SNRPB: variants seen among roughly 807,000 people sequenced by gnomAD.
SNRPB encodes small nuclear ribonucleoprotein-associated proteins B and B'.
SNRPB carries 5 observed loss-of-function variants against 26.6 expected under a neutral mutation model. The observed-to-expected ratio is 0.19, with a 90% CI of 0.10 to 0.39. SNRPB has a LOEUF of 0.39. Ranked by LOEUF, SNRPB falls within the 10% of genes least tolerant of loss-of-function variation. SNRPB has a pLI of 1.00. For synonymous variants in SNRPB, 122 were observed against 105.8 expected, an observed-to-expected ratio of 1.15 and a Z score of -0.94; for missense variants, 211 against 311.9, an observed-to-expected ratio of 0.68 and a Z score of 2.44.
At chr20:2,469,858 G>A (rs1395705132) in intron 1 of SNRPB, among the ~76,000 whole-genome samples, 3 of 151,908 alleles carry the variant, frequency 2.0e-5, no homozygotes, top group South Asian at 2.1e-4. Context: ...GTCAACAAAC[G>A]CAGAAAAATC....
intron 3 of SNRPB, 82 bp downstream of exon 3, chr20:2,465,626 C>CTGCA: frequency 1.1e-6 from 1 of 932,204 alleles, no homozygotes; most frequent in South Asian, 1.4e-5. Flanking sequence ...CCTGTGAGAA[C>CTGCA]TGCAATGAAA....
Position 2,462,617 on chromosome 20 carries a change from C to T in SNRPB, c.685+19G>A. 1 of 1,611,322 alleles carries T rather than the reference C, an allele frequency of 6.2e-7. No individual in the cohort carries two copies. The highest frequency in any genetic ancestry group is 8.5e-7 in the Non-Finnish European group (1 of 1,177,644). ...AGGCTCTAGGGAAAGAAGCCAAAGT[C>T]ACCACTGCAGGCACTTACCTCGCAT... On this transcript the variant is annotated intron_variant, in intron 6 of 6. Transcript: ENST00000381342.
At position 2,463,220 on chromosome 20, in the gene SNRPB, G is replaced by A; in HGVS notation, c.428C>T (p.Thr143Ile). 6.2e-7 allele frequency: 1 copy of A among 1,611,502 alleles called. No homozygotes were observed. The highest frequency in any genetic ancestry group is 8.5e-7 in the Non-Finnish European group (1 of 1,177,740). ...TGCAACAGTACCTCTTCCTTGTGGG[G>A]TCATCACCTAAGAGGACATAAGAAG... ...GVGGPSQQVM[T>I]PQGRGTVAAA... The change falls in exon 5 of 7, where the codon ACC (threonine) becomes ATC (isoleucine). Residue 143 changes from threonine (T) to isoleucine (I), a missense_variant. Coordinates refer to ENST00000381342, the MANE Select transcript of SNRPB (RefSeq NM_003091.4). The surrounding 1 kb of genome is among the most constrained non-coding windows in gnomAD (Gnocchi z 5.0).
In SNRPB at chr20:2,470,766, TC is replaced by T; in HGVS notation, c.-77del. 6.4e-7 allele frequency: 1 copy of T among 1,571,958 alleles called. No individual in the cohort carries two copies. The highest frequency in any genetic ancestry group is 8.7e-7 in the Non-Finnish European group (1 of 1,147,134). On this transcript the variant is annotated 5_prime_UTR_variant, in exon 1 of 7. Coordinates refer to ENST00000381342, the MANE Select transcript of SNRPB (RefSeq NM_003091.4). ...CCTAGCCTCTCTCCCACAGCCGATT[TC>T]CCGCCGCCGCTACCGGAAATGCAGC...
Position 2,467,538 on chromosome 20 carries a change from T to C in SNRPB, c.155+69A>G, listed in dbSNP as rs897369534. On this transcript the variant is annotated intron_variant, in intron 2 of 6. Transcript: ENST00000381342. ...AACCAACTAGCTACATCACCACCTCTATTGCTTGGCCCACCCACTCAATCC... is the reference window on the plus strand; with the variant it reads ...AACCAACTAGCTACATCACCACCTCCATTGCTTGGCCCACCCACTCAATCC... 5 of 1,456,130 alleles carry C rather than the reference T, an allele frequency of 3.4e-6. No homozygotes were observed. In the African/African-American group the frequency reaches 7.0e-5, roughly 20 times the overall value. 90.2% of individuals were successfully genotyped at this position (1,456,130 alleles called of 1,614,324 possible).
intron 2 of SNRPB, among the ~76,000 whole-genome samples, chr20:2,466,182 C>A (rs186460334): frequency 6.6e-6 from 1 of 152,188 alleles, no homozygotes; most frequent in Non-Finnish European, 1.5e-5. Flanking sequence ...CAGGAGGCTG[C>A]CTAAACAATT....
Position 2,461,702 on chromosome 20 carries a change from C to T in SNRPB, c.*227G>A. 1 of 1,292,368 alleles carries T rather than the reference C, an allele frequency of 7.7e-7. No individual in the cohort carries two copies. Among genetic ancestry groups the T allele is most frequent in the Non-Finnish European group, 1.1e-6 (1 of 932,756 alleles). 80.1% of individuals were successfully genotyped at this position (1,292,368 alleles called of 1,614,324 possible). Reference sequence around the variant, plus strand: ...CATAGGCCACAAGGAGATAAAAGGACTATGTACAGCCTTACGGGAAACAGG... The same window carrying T: ...CATAGGCCACAAGGAGATAAAAGGATTATGTACAGCCTTACGGGAAACAGG... On this transcript the variant is annotated 3_prime_UTR_variant, in exon 7 of 7. Coordinates refer to ENST00000381342, the MANE Select transcript of SNRPB (RefSeq NM_003091.4).
In SNRPB at chr20:2,461,715, T is replaced by C; in HGVS notation, c.*214A>G. The C allele has an allele frequency of 5.4e-6, 8 of 1,471,782 alleles. 1 individual carries two copies. The highest frequency in any genetic ancestry group is 5.6e-6 in the Non-Finnish European group (6 of 1,078,646). The allele number at this position is 1,471,782 out of a possible 1,614,324, so 91.2% of individuals were successfully genotyped here. A position where few individuals can be genotyped will look rare whatever the true frequency, so the allele number is the denominator to read the frequency against. On this transcript the variant is annotated 3_prime_UTR_variant, in exon 7 of 7. Transcript: ENST00000381342. The stretch of plus-strand genomic sequence containing the variant: ...GAGATAAAAGGACTATGTACAGCCT[T>C]ACGGGAAACAGGCAGGGAGCTGAGG...
At chr20:2,464,665 A>G (rs1175342322) in intron 3 of SNRPB, among the ~76,000 whole-genome samples, 1 of 152,212 alleles carries the variant, frequency 6.6e-6, no homozygotes, top group Non-Finnish European at 1.5e-5. Flanking sequence ...TCCAGATAAT[A>G]TATGTGGATT....
intron 3 of SNRPB, 110 bp downstream of exon 3, chr20:2,465,598 G>A: frequency 1.3e-6 from 1 of 741,616 alleles, no homozygotes; most frequent in South Asian, 1.7e-5. Context: ...TGAAAAAGGG[G>A]GCAAAATCCA....
At chr20:2,466,407 C>A in intron 2 of SNRPB, among the ~76,000 whole-genome samples, 1 of 151,996 alleles carries the variant, frequency 6.6e-6, no homozygotes, top group East Asian at 1.9e-4. Context: ...AAGCAACAAC[C>A]AGAAAAAGAT....
At chr20:2,469,723 C>T (rs2122497012) in intron 1 of SNRPB, among the ~76,000 whole-genome samples, 1 of 152,176 alleles carries the variant, frequency 6.6e-6, no homozygotes, top group East Asian at 1.9e-4. Context: ...AAATTAAATC[C>T]TTCAATGACA....
At position 2,463,011 on chromosome 20, in the gene SNRPB, G is replaced by A. The variant is rs1442298965; in HGVS notation, c.559+78C>T. 1.5e-6 allele frequency: 2 copies of A among 1,302,934 alleles called. No individual in the cohort carries two copies. The highest frequency in any genetic ancestry group is 1.1e-6 in the Non-Finnish European group (1 of 941,778). The allele number at this position is 1,302,934 out of a possible 1,614,324, so 80.7% of individuals were successfully genotyped here. On this transcript the variant is annotated intron_variant, in intron 5 of 6. Transcript: ENST00000381342. The surrounding 1 kb of genome is among the most constrained non-coding windows in gnomAD (Gnocchi z 5.0). The stretch of plus-strand genomic sequence containing the variant: ...TTATACAAACTCATCATCAGCTTCA[G>A]TCAAGGTTATATCTCATCATTAATC...
In SNRPB at chr20:2,463,858, G is replaced by T; in HGVS notation, c.309C>A (p.Gly103=). The T allele has an allele frequency of 3.7e-6, 6 of 1,613,316 alleles. No homozygotes were observed. Among genetic ancestry groups the T allele is most frequent in the Non-Finnish European group, 5.1e-6 (6 of 1,179,662 alleles). ...ARVPLAGAAG[G]PGIGRAAGRG... ...TGCCAGCAGCCCTGCCGATCCCTGG[G>T]CCCCCGGCAGCTCCAGCAAGTGGAA... is the stretch of plus-strand genomic sequence containing the variant. The change falls in exon 4 of 7, where the codon GGC becomes GGA. Residue 103 remains glycine, a synonymous_variant. Coordinates refer to ENST00000381342, the MANE Select transcript of SNRPB (RefSeq NM_003091.4). This position sits in a 1 kb window ranked among gnomAD's most constrained non-coding sequence, Gnocchi z 5.0.
Position 2,467,631 on chromosome 20 carries a change from T to G in SNRPB, c.131A>C (p.Asp44Ala), listed in dbSNP as rs957133476. Residue 44 changes from aspartate (D) to alanine (A), a missense_variant, in exon 2 of 7, where the codon GAC (aspartate) becomes GCC (alanine). By Grantham distance (126) the Asp-to-Ala change is moderately radical. Coordinates refer to ENST00000381342, the MANE Select transcript of SNRPB (RefSeq NM_003091.4). ...CTTGATCTTTCTGAACTCATCACAG[T>G]CACAGAGGATCAAATTCATGTGCTT... ...FDKHMNLILCDCDEFRKIKPK... is the reference protein window; with the variant it reads ...FDKHMNLILCACDEFRKIKPK... The G allele has an allele frequency of 7.4e-6, 12 of 1,614,158 alleles. No individual in the cohort carries two copies. The highest frequency in any genetic ancestry group is 1.3e-5 in the African/African-American group (1 of 75,036).
chr20:2,465,774 G>A lies in SNRPB; in HGVS notation c.201C>T (p.Leu67=), dbSNP rs749104286. 24 of 1,613,556 alleles carry A rather than the reference G, an allele frequency of 1.5e-5. No homozygotes were observed. Among genetic ancestry groups the A allele is most frequent in the African/African-American group, 6.7e-5 (5 of 74,770 alleles). Residue 67 remains leucine (L), a synonymous_variant, in exon 3 of 7, where the codon CTC becomes CTT. Transcript: ENST00000381342. ...TCTCCCCTCGCAGCAGCACCAGACCGAGGACTCGCTTCTCTTCCCTTTCTG... is the reference window on the plus strand; with the variant it reads ...TCTCCCCTCGCAGCAGCACCAGACCAAGGACTCGCTTCTCTTCCCTTTCTG... ...KQAEREEKRV[L]GLVLLRGENL... is the part of the protein sequence containing the mutation.
At chr20:2,462,537 G>T in intron 6 of SNRPB, 99 bp downstream of exon 6, 1 of 1,077,388 alleles carries the variant, frequency 9.3e-7, no homozygotes, top group Non-Finnish European at 1.4e-6. Flanking sequence ...TTTAAGGCTT[G>T]AAAGCCCATG....
At chr20:2,470,527 C>G (rs1436210331) in intron 1 of SNRPB, among the ~76,000 whole-genome samples, 161 bp downstream of exon 1, 1 of 152,196 alleles carries the variant, frequency 6.6e-6, no homozygotes, top group Non-Finnish European at 1.5e-5. Context: ...CCTAGCCGAA[C>G]CGCCAAGGTC....
In SNRPB at chr20:2,467,650, T is replaced by C. The variant is rs763289940; in HGVS notation, c.112A>G (p.Met38Val). ...IGTFKAFDKH[M>V]NLILCDCDEF... is the part of the protein sequence containing the mutation. ...TCACAGTCACAGAGGATCAAATTCA[T>C]GTGCTTGTCAAAAGCCTTGAAGGTG... Residue 38 changes from methionine to valine, a missense_variant, in exon 2 of 7, where the codon ATG becomes GTG. Transcript: ENST00000381342. 4.3e-6 allele frequency: 7 copies of C among 1,614,194 alleles called. No homozygotes were observed. The highest frequency in any genetic ancestry group is 5.9e-6 in the Non-Finnish European group (7 of 1,180,040).
Sources: gnomAD v4.1 joint callset for allele counts (sites outside exome capture counted in the v4.1 genomes callset) on GRCh38, gnomAD v4.1.1 for gene constraint, Gnocchi (gnomAD v3.1) non-coding constraint, MANE v1.5 for transcripts, NCBI Gene and HGNC (gene_info 2026-07-23, HGNC 2026-07-21) for gene names.